The following MMP16 variants were observed in gnomAD, a reference collection of about 807,000 sequenced individuals.
MMP16 encodes the protein matrix metalloproteinase-16.
A neutral mutation model predicts 67.8 loss-of-function variants in MMP16; 12 were observed. The observed-to-expected ratio is 0.18, with a 90% CI of 0.11 to 0.29. The LOEUF is 0.29. MMP16 is among the 10% of genes least tolerant of loss of function. The probability of loss-of-function intolerance (pLI) is 1.00; values close to 1 mark genes in which losing one functional copy is unlikely to be tolerated. For missense variants in MMP16, 475 were observed against 765.7 expected, an observed-to-expected ratio of 0.62 and a Z score of 4.48; for synonymous variants, 249 against 255.9, an observed-to-expected ratio of 0.97 and a Z score of 0.26.
rs59310737 is a variant in MMP16, at chr8:88,184,563, G to GAAAAAAAAAA, written c.404+1903_404+1912dup. ...GGGCAAATGGTAAAACTCTCTCTCT[G>GAAAAAAAAAA]AAAAAAAAAAAAAAAAAAAAAAAAA... On this transcript the variant is annotated intron_variant, in intron 3 of 9. Transcript: ENST00000286614. Among the ~76,000 whole-genome samples, 23 of 10,936 alleles carry GAAAAAAAAAA rather than the reference G, an allele frequency of 2.1e-3. 5 individuals are homozygous for GAAAAAAAAAA. The highest frequency in any genetic ancestry group is 0.012 in the African/African-American group (22 of 1,886). The allele number at this position is 10,936 out of a possible 152,430, so 7.2% of individuals were successfully genotyped here. A position where few individuals can be genotyped will look rare whatever the true frequency, so the allele number is the denominator to read the frequency against.
intron 6 of MMP16, among the ~76,000 whole-genome samples, chr8:88,109,337 A>C (rs888266243): frequency 2.0e-5 from 3 of 151,252 alleles, no homozygotes; most frequent in African/African-American, 7.3e-5. Context: ...CATAATTTGC[A>C]AATAATTACA....
At chr8:88,138,004 T>C (rs771334657) in intron 4 of MMP16, among the ~76,000 whole-genome samples, 4 of 152,146 alleles carry the variant, frequency 2.6e-5, no homozygotes, top group Non-Finnish European at 4.4e-5. Flanking sequence ...ACAGTTGAAA[T>C]TGCAACCTCA....
chr8:88,135,492 AT>A (rs1376661270), intron 4 of MMP16, among the ~76,000 whole-genome samples: 1 of 151,786 alleles, frequency 6.6e-6, no homozygotes, highest in Non-Finnish European at 1.5e-5. Context: ...TTCTATTATG[AT>A]TTTGTTGTGG....
At chr8:88,136,499 T>C (rs1363495549) in intron 4 of MMP16, among the ~76,000 whole-genome samples, 2 of 151,756 alleles carry the variant, frequency 1.3e-5, no homozygotes, top group Non-Finnish European at 2.9e-5. Context: ...AAATTGAATG[T>C]TACTGGTAAT....
At chr8:88,194,619 G>A (rs1384003668) in intron 2 of MMP16, among the ~76,000 whole-genome samples, 4 of 151,970 alleles carry the variant, frequency 2.6e-5, no homozygotes, top group African/African-American at 7.2e-5. Context: ...TGAAGCCACC[G>A]GGTTTCTAGT....
At chr8:88,125,998 G>A (rs1807924529) in intron 4 of MMP16, among the ~76,000 whole-genome samples, 1 of 151,596 alleles carries the variant, frequency 6.6e-6, no homozygotes, top group African/African-American at 2.4e-5. Flanking sequence ...GATCTGAATT[G>A]CCATATTATT....
intron 1 of MMP16, among the ~76,000 whole-genome samples, chr8:88,282,728 T>C (rs1167532388): frequency 6.6e-6 from 1 of 152,208 alleles, no homozygotes; most frequent in Non-Finnish European, 1.5e-5. Context: ...GAATGTGTTT[T>C]GTTTTGTTTT....
intron 1 of MMP16, among the ~76,000 whole-genome samples, chr8:88,243,591 T>C (rs779401019): frequency 6.6e-6 from 1 of 152,200 alleles, no homozygotes; most frequent in African/African-American, 2.4e-5. Flanking sequence ...TAGTAGACGC[T>C]TAAAAGTCTG....
chr8:88,221,874 A>G (rs1192316655), intron 1 of MMP16, among the ~76,000 whole-genome samples: 4 of 152,108 alleles, frequency 2.6e-5, no homozygotes, highest in Non-Finnish European at 4.4e-5. Context: ...GAAAGCCTAT[A>G]ATCATATACT....
At chr8:88,326,187 T>C (rs530595425) in intron 1 of MMP16, among the ~76,000 whole-genome samples, 17 of 152,246 alleles carry the variant, frequency 1.1e-4, no homozygotes, top group Non-Finnish European at 2.1e-4. Context: ...GATAAAGTTG[T>C]GTTACAGCCC....
intron 4 of MMP16, among the ~76,000 whole-genome samples, chr8:88,146,549 C>T (rs981950617): frequency 4.6e-5 from 7 of 151,970 alleles, no homozygotes; most frequent in African/African-American, 1.2e-4. Flanking sequence ...TTGCAATTTG[C>T]CCTATTCACT....
intron 4 of MMP16, among the ~76,000 whole-genome samples, chr8:88,124,001 A>G (rs1807884943): frequency 1.3e-5 from 2 of 151,862 alleles, no homozygotes; most frequent in Non-Finnish European, 2.9e-5. Context: ...CTTTTCCCCA[A>G]TTGAGTCAGA....
At chr8:88,098,234 C>T (rs1809063418) in intron 6 of MMP16, among the ~76,000 whole-genome samples, 1 of 152,024 alleles carries the variant, frequency 6.6e-6, no homozygotes, top group Non-Finnish European at 1.5e-5. Context: ...TGTATTACTA[C>T]ACTAGTATCA....
Position 88,056,130 on chromosome 8 carries a change from G to A in MMP16, c.1371C>T (p.Asp457=), listed in dbSNP as rs1383492005. The change falls in exon 8 of 10, where the codon GAC becomes GAT. Residue 457 remains aspartate, a splice_region_variant and synonymous_variant. Transcript: ENST00000286614. ...DVGKTYFFKG[D]RYWRYSEEMK... ...TCTCATGAGAAGTGTATACTGACCT[G>A]TCTCCCTTGAAGAAATAGGTTTTCC... 1 of 1,552,406 alleles carries A rather than the reference G, an allele frequency of 6.4e-7. No individual in the cohort carries two copies. The highest frequency in any genetic ancestry group is 1.2e-5 in the South Asian group (1 of 82,278).
At chr8:88,282,097 G>A (rs1193978682) in intron 1 of MMP16, among the ~76,000 whole-genome samples, 5 of 122,628 alleles carry the variant, frequency 4.1e-5, no homozygotes, top group East Asian at 2.3e-4. Context: ...GGGGGGGGGC[G>A]ACGGGGTCTT....
rs189689868 is a variant in MMP16, at chr8:88,037,700, A to G, written c.*3761T>C. The G allele has an allele frequency of 5.2e-4, 79 of 152,132 alleles. No individual in the cohort carries two copies. The highest frequency in any genetic ancestry group is 1.9e-3 in the African/African-American group (79 of 41,570). The allele number at this position is 152,132 out of a possible 1,614,324, so 9.4% of individuals were successfully genotyped here. ...TTCTGATGCGGAATTACTGCTTTAC[A>G]GGAAATTCAAACTGATCAGCTATTT... On this transcript the variant is annotated 3_prime_UTR_variant, in exon 10 of 10. Transcript: ENST00000286614.
intron 1 of MMP16, among the ~76,000 whole-genome samples, chr8:88,282,256 G>A (rs1208954831): frequency 2.0e-5 from 3 of 151,946 alleles, no homozygotes; most frequent in Admixed American, 6.6e-5. Context: ...TGTATTTTTT[G>A]TAGAGATGGG....
intron 7 of MMP16, among the ~76,000 whole-genome samples, chr8:88,068,312 CCTT>C (rs1808489839): frequency 6.6e-6 from 1 of 151,616 alleles, no homozygotes; most frequent in South Asian, 2.1e-4. Context: ...GAATAAAAAT[CCTT>C]CATCATATAC....
intron 7 of MMP16, among the ~76,000 whole-genome samples, chr8:88,070,410 G>T (rs1391425641): frequency 2.6e-5 from 4 of 152,162 alleles, no homozygotes; most frequent in Non-Finnish European, 4.4e-5. Context: ...TGAACAGGTG[G>T]TTGGGGGCAG....
Sources: gnomAD v4.1 joint callset for allele counts (sites outside exome capture counted in the v4.1 genomes callset) on GRCh38, gnomAD v4.1.1 for gene constraint, MANE v1.5 for transcripts, NCBI Gene and HGNC (gene_info 2026-07-23, HGNC 2026-07-21) for gene names.